The following ESPN variants were observed in gnomAD, a reference collection of about 807,000 sequenced individuals.
ESPN encodes autosomal recessive deafness type 36 protein.
ESPN carries 68 observed loss-of-function variants against 77.7 expected under a neutral mutation model. The observed-to-expected ratio is 0.87, with a 90% CI of 0.72 to 1.07. The LOEUF (loss-of-function observed/expected upper bound fraction) is 1.07. Among genes scored for constraint, ESPN ranks in the 50% least tolerant of loss-of-function variants. ESPN has a pLI of 0.00. For missense variants in ESPN, 1,060 were observed against 1,239.0 expected (o/e 0.86, Z 2.17); for synonymous variants, 449 against 567.1 (o/e 0.79, Z 2.96).
At chr1:6,439,084 C>A (rs1043931382) in intron 2 of ESPN, among the ~76,000 whole-genome samples, 1 of 152,110 alleles carries the variant, frequency 6.6e-6, no homozygotes, top group Non-Finnish European at 1.5e-5. Flanking sequence ...TGCATTCCAG[C>A]CTGGATGACA....
chr1:6,442,489 G>C (rs533231155), intron 5 of ESPN, among the ~76,000 whole-genome samples: 2 of 151,170 alleles, frequency 1.3e-5, no homozygotes, highest in African/African-American at 4.9e-5. Flanking sequence ...CAGGAAAATC[G>C]CTTGAACCCA....
chr1:6,458,067 T>C (rs1397134638), intron 12 of ESPN, among the ~76,000 whole-genome samples: 2 of 149,414 alleles, frequency 1.3e-5, no homozygotes, highest in East Asian at 4.0e-4. Context: ...TGTCACCCAA[T>C]CTGGAGTGCA....
chr1:6,425,948 G>A (rs1021010086), intron 1 of ESPN, among the ~76,000 whole-genome samples: 3 of 152,222 alleles, frequency 2.0e-5, no homozygotes, highest in Non-Finnish European at 4.4e-5. Context: ...AGGCATGCAC[G>A]CTCTTGTCCT....
Position 6,447,073 on chromosome 1 carries a change from C to G in ESPN, c.1464+1138C>G, listed in dbSNP as rs1643863169. On this transcript the variant is annotated intron_variant, in intron 7 of 12. Coordinates refer to ENST00000645284, the MANE Select transcript of ESPN (RefSeq NM_031475.3). This position sits in a 1 kb window ranked among gnomAD's most constrained non-coding sequence, Gnocchi z 5.2. ...CAAATCCACAGGACAGGTGGCCCAGCCAGTGCCCCGTCTCCACCGTTGAGC... is the reference window on the plus strand; with the variant it reads ...CAAATCCACAGGACAGGTGGCCCAGGCAGTGCCCCGTCTCCACCGTTGAGC... The G allele has an allele frequency of 6.6e-6, 1 of 152,534 alleles. No homozygotes were observed. The highest frequency in any genetic ancestry group is 1.9e-4 in the East Asian group (1 of 5,198). 9.4% of individuals were successfully genotyped at this position (152,534 alleles called of 1,614,324 possible). A position where few individuals can be genotyped will look rare whatever the true frequency, so the allele number is the denominator to read the frequency against.
At chr1:6,459,067 C>G (rs575555794) in intron 12 of ESPN, among the ~76,000 whole-genome samples, 19 of 152,044 alleles carry the variant, frequency 1.2e-4, no homozygotes, top group African/African-American at 4.6e-4. Flanking sequence ...ATGGTGAAAC[C>G]CCGTCTCTAC....
At position 6,445,468 on chromosome 1, in the gene ESPN, T is replaced by A. The variant is rs925053470; in HGVS notation, c.1193-196T>A. On this transcript the variant is annotated intron_variant, in intron 6 of 12. Coordinates refer to ENST00000645284, the MANE Select transcript of ESPN (RefSeq NM_031475.3). ...ACCGGAGTGCCTGGTCTTCCCCCAG[T>A]AAGTGCTGGGCTGGGGCAGGGTAGG... is the stretch of plus-strand genomic sequence containing the variant. 21 of 666,286 alleles carry A rather than the reference T, an allele frequency of 3.2e-5. No individual in the cohort carries two copies. In the African/African-American group the frequency reaches 3.4e-4, roughly 11 times the overall value. The allele number at this position is 666,286 out of a possible 1,614,324, so 41.3% of individuals were successfully genotyped here. A position where few individuals can be genotyped will look rare whatever the true frequency, so the allele number is the denominator to read the frequency against.
At chr1:6,438,793 G>A (rs1412465355) in intron 2 of ESPN, among the ~76,000 whole-genome samples, 10 of 152,350 alleles carry the variant, frequency 6.6e-5, no homozygotes, top group South Asian at 4.1e-4. Flanking sequence ...GTGCCTTACC[G>A]GTGTAATCTC....
chr1:6,441,902 C>T (rs545983183), intron 5 of ESPN, among the ~76,000 whole-genome samples: 1 of 152,320 alleles, frequency 6.6e-6, no homozygotes, highest in South Asian at 2.1e-4. Context: ...CTGGGGGCTG[C>T]AGAACACAGC....
chr1:6,428,461 C>T lies in ESPN; in HGVS notation c.488+42C>T, dbSNP rs375866681. Reference sequence around the variant, plus strand: ...TAAGGGGTCCTCTGGGTGGGCTGGGCCAGGGCTTTGGGGGATGCCTGGGAT... The same window carrying T: ...TAAGGGGTCCTCTGGGTGGGCTGGGTCAGGGCTTTGGGGGATGCCTGGGAT... On this transcript the variant is annotated intron_variant, in intron 2 of 12. Coordinates refer to ENST00000645284, the MANE Select transcript of ESPN (RefSeq NM_031475.3). The surrounding 1 kb of genome is among the most constrained non-coding windows in gnomAD (Gnocchi z 5.4). 173 of 1,549,388 alleles carry T rather than the reference C, an allele frequency of 1.1e-4. No homozygotes were observed. Among genetic ancestry groups the T allele is most frequent in the African/African-American group, 9.7e-4 (71 of 73,360 alleles).
At chr1:6,444,788 C>A in intron 6 of ESPN, 106 bp downstream of exon 6, 1 of 1,289,550 alleles carries the variant, frequency 7.8e-7, no homozygotes, top group East Asian at 2.4e-5. Context: ...ATATCGGACA[C>A]TACCCTCATC....
At chr1:6,440,596 C>CCCCCCCCCCA in intron 3 of ESPN, 30 bp from the exon 4 acceptor site, 7 of 1,127,580 alleles carry the variant, frequency 6.2e-6, no homozygotes, top group Non-Finnish European at 8.7e-6. Context: ...GCCCAGCCCC[C>CCCCCCCCCCA]GCCCCCCTCT....
At chr1:6,431,160 G>A (rs1381931403) in intron 2 of ESPN, among the ~76,000 whole-genome samples, 1 of 152,226 alleles carries the variant, frequency 6.6e-6, no homozygotes, top group Non-Finnish European at 1.5e-5. Flanking sequence ...GCTGGGGAGT[G>A]AGGAGGCTCC....
chr1:6,445,463 C>G (rs1251951242), intron 6 of ESPN: 1 of 661,486 alleles, frequency 1.5e-6, no homozygotes, highest in African/African-American at 1.8e-5. Context: ...CTGGTCTTCC[C>G]CCAGTAAGTG....
chr1:6,457,412 C>CA (rs557598619), intron 12 of ESPN, 40 bp downstream of exon 12: 2 of 1,614,136 alleles, frequency 1.2e-6, no homozygotes. Flanking sequence ...CCCTTATCCC[C>CA]ACCCAAGTCG....
chr1:6,432,742 G>A (rs571338819), intron 2 of ESPN, among the ~76,000 whole-genome samples: 1 of 152,360 alleles, frequency 6.6e-6, no homozygotes, highest in South Asian at 2.1e-4. Context: ...CTGTGAGGCT[G>A]TGCACTACAG....
chr1:6,429,653 C>T (rs1325753628), intron 2 of ESPN, among the ~76,000 whole-genome samples: 1 of 152,224 alleles, frequency 6.6e-6, no homozygotes, highest in Admixed American at 6.5e-5. Flanking sequence ...ACGCTGAGCC[C>T]ACCTTCTGCA....
Position 6,451,606 on chromosome 1 carries a change from C to G in ESPN, c.1919C>G (p.Thr640Ser), listed in dbSNP as rs750860743. The part of the protein sequence containing the change: ...QRRSSSSTGS[T>S]KSFNMMSPTG... ...CTCATCTCCTGCCTCCGCATAGGCACCAAGTCTTTCAACATGATGTCCCCG... is the reference window on the plus strand; with the variant it reads ...CTCATCTCCTGCCTCCGCATAGGCAGCAAGTCTTTCAACATGATGTCCCCG... Residue 640 changes from threonine to serine, a missense_variant, in exon 9 of 13, where the codon ACC becomes AGC. By Grantham distance (58) the Thr-to-Ser change is moderately conservative. This residue lies in a region of ESPN where 374 missense variants were observed against 381.4 expected (regional missense o/e 0.98). Coordinates refer to ENST00000645284, the MANE Select transcript of ESPN (RefSeq NM_031475.3). This position sits in a 1 kb window ranked among gnomAD's most constrained non-coding sequence, Gnocchi z 4.3. The G allele has an allele frequency of 5.0e-6, 8 of 1,612,792 alleles. No individual in the cohort carries two copies. In the Admixed American group the frequency reaches 1.3e-4, roughly 27 times the overall value.
At position 6,460,941 on chromosome 1, in the gene ESPN, C is replaced by G; in HGVS notation, c.*795C>G. 1 of 366,086 alleles carries G rather than the reference C, an allele frequency of 2.7e-6. No homozygotes were observed. Among genetic ancestry groups the G allele is most frequent in the South Asian group, 2.1e-5 (1 of 46,594 alleles). 22.7% of individuals were successfully genotyped at this position (366,086 alleles called of 1,614,324 possible). ...GCGCTCTCATCTGGGCTCCGGTTCA[C>G]TCACTCGCTGTGGCCGCGACTTGCT... On this transcript the variant is annotated 3_prime_UTR_variant, in exon 13 of 13. Transcript: ENST00000645284.
At chr1:6,438,888 G>C (rs1643525228) in intron 2 of ESPN, among the ~76,000 whole-genome samples, 1 of 152,270 alleles carries the variant, frequency 6.6e-6, no homozygotes, top group African/African-American at 2.4e-5. Flanking sequence ...GAAACAGGCG[G>C]ATCACTTGAG....
Sources: allele counts gnomAD v4.1 joint callset (sites outside exome capture counted in the v4.1 genomes callset), GRCh38; gene constraint gnomAD v4.1.1; regional missense constraint gnomAD v4.1.1; non-coding constraint Gnocchi (gnomAD v3.1); transcripts MANE v1.5; gene names NCBI Gene and HGNC (gene_info 2026-07-23, HGNC 2026-07-21).